Variants in CTIF observed in about 807,000 individuals in gnomAD.
The protein encoded by CTIF is CBP80/20-dependent translation initiation factor.
CTIF carries 21 observed loss-of-function variants against 66.0 expected under a neutral mutation model. The observed-to-expected ratio is 0.32, with a 90% CI of 0.23 to 0.46. The LOEUF is 0.46. Among genes scored for constraint, CTIF ranks in the 20% least tolerant of loss-of-function variants. The pLI, the probability that CTIF is intolerant of heterozygous loss-of-function variation, is 1.00. For synonymous variants in CTIF, 345 were observed against 326.4 expected (o/e 1.06, Z -0.62); for missense variants, 739 against 812.7 (o/e 0.91, Z 1.10).
At chr18:48,840,113 G>T (rs1327060463) in intron 10 of CTIF, among the ~76,000 whole-genome samples, 1 of 152,282 alleles carries the variant, frequency 6.6e-6, no homozygotes, top group Middle Eastern at 3.4e-3. Flanking sequence ...CCTGGATGAG[G>T]CTCTTACCAT....
chr18:48,769,775 G>T (rs1909926860), intron 9 of CTIF, among the ~76,000 whole-genome samples: 1 of 152,254 alleles, frequency 6.6e-6, no homozygotes. Context: ...AATATGACCT[G>T]CTTTTCTCCA....
chr18:48,693,062 C>T lies in CTIF; in HGVS notation c.508-18557C>T, dbSNP rs542078156. ...CAACTGATTAGATATTAGGCCCTTA[C>T]GTGCTTTTCTGATGATGAATCGGTG... On this transcript the variant is annotated intron_variant, in intron 6 of 11. Coordinates refer to ENST00000256413, the MANE Select transcript of CTIF (RefSeq NM_014772.3). Among the ~76,000 whole-genome samples, 5 of 152,306 alleles carry T rather than the reference C, an allele frequency of 3.3e-5. No homozygotes were observed. The South Asian group carries it at 6.2e-4, about 19-fold the overall frequency.
chr18:48,752,067 G>C (rs779607203), intron 7 of CTIF, among the ~76,000 whole-genome samples: 1 of 152,148 alleles, frequency 6.6e-6, no homozygotes, highest in Non-Finnish European at 1.5e-5. Context: ...ATCGTTTGGC[G>C]AGGTAAACAT....
chr18:48,648,493 A>G (rs7226857), intron 3 of CTIF, among the ~76,000 whole-genome samples: 633 of 151,652 alleles, frequency 4.2e-3, no homozygotes, highest in African/African-American at 0.014. Flanking sequence ...ACACACGCAC[A>G]CACACACACA....
intron 6 of CTIF, 148 bp from the exon 7 acceptor site, chr18:48,711,471 C>T (rs924518514): frequency 4.9e-6 from 3 of 610,770 alleles, no homozygotes; most frequent in Non-Finnish European, 5.7e-6. Flanking sequence ...TTTCCTTTTT[C>T]AGTCTGGATT....
intron 9 of CTIF, among the ~76,000 whole-genome samples, chr18:48,795,449 A>G (rs1168176828): frequency 6.6e-6 from 1 of 152,198 alleles, no homozygotes; most frequent in Non-Finnish European, 1.5e-5. Flanking sequence ...TCATCTAACC[A>G]GGAGTATTTT....
rs1012766871 is a variant in CTIF, at chr18:48,861,725, T to C, written c.*2166T>C. On this transcript the variant is annotated 3_prime_UTR_variant, in exon 12 of 12. Coordinates refer to ENST00000256413, the MANE Select transcript of CTIF (RefSeq NM_014772.3). ...CTTCACGCAGGACGCTCCGAAACAC[T>C]GTGTGGAGGGGGCTGTGTTGTGGGC... 1.3e-5 allele frequency: 2 copies of C among 152,364 alleles called. No homozygotes were observed. The highest frequency in any genetic ancestry group is 4.8e-5 in the African/African-American group (2 of 41,566). 9.4% of individuals were successfully genotyped at this position (152,364 alleles called of 1,614,324 possible).
rs571666796 is a variant in CTIF, at chr18:48,779,492, G to A, written c.1371+17803G>A. Among the ~76,000 whole-genome samples, 262 of 152,330 alleles carry A rather than the reference G, an allele frequency of 1.7e-3. 2 individuals are homozygous for A. The highest frequency in any genetic ancestry group is 5.6e-3 in the African/African-American group (231 of 41,584). On this transcript the variant is annotated intron_variant, in intron 9 of 11. Transcript: ENST00000256413. ...TTGGTCAGGAGTGCATCTGGAGGGGGTCAGTTATAAGGCTGAGGAGAGGTG... is the reference window on the plus strand; with the variant it reads ...TTGGTCAGGAGTGCATCTGGAGGGGATCAGTTATAAGGCTGAGGAGAGGTG...
chr18:48,722,538 T>G (rs1167565014), intron 7 of CTIF, among the ~76,000 whole-genome samples: 1 of 152,080 alleles, frequency 6.6e-6, no homozygotes, highest in African/African-American at 2.4e-5. Context: ...CCTCTTGAGA[T>G]CGTATGCTGC....
At chr18:48,732,559 C>T (rs1428192569) in intron 7 of CTIF, among the ~76,000 whole-genome samples, 1 of 152,200 alleles carries the variant, frequency 6.6e-6, no homozygotes, top group Non-Finnish European at 1.5e-5. Flanking sequence ...CTATGGGAGC[C>T]ACAGCTTGAA....
intron 10 of CTIF, among the ~76,000 whole-genome samples, chr18:48,844,715 G>C (rs1185376657): frequency 6.6e-6 from 1 of 152,242 alleles, no homozygotes; most frequent in Non-Finnish European, 1.5e-5. Flanking sequence ...TGGTGGAAAA[G>C]TGGCATGGGG....
At chr18:48,809,373 C>T (rs61007064) in intron 9 of CTIF, among the ~76,000 whole-genome samples, 25,863 of 152,052 alleles carry the variant, frequency 0.17, 2,380 homozygotes, top group Admixed American at 0.23. Context: ...TTAATCAAGC[C>T]TATTGAAGTA....
At chr18:48,594,458 G>T (rs2089953766) in intron 1 of CTIF, among the ~76,000 whole-genome samples, 1 of 152,048 alleles carries the variant, frequency 6.6e-6, no homozygotes, top group Non-Finnish European at 1.5e-5. Flanking sequence ...TGGCCTAATG[G>T]CTATGGAGTA....
intron 1 of CTIF, among the ~76,000 whole-genome samples, chr18:48,549,795 T>C (rs140354944): frequency 6.6e-6 from 1 of 152,332 alleles, no homozygotes; most frequent in African/African-American, 2.4e-5. Context: ...AAGTCCCTGG[T>C]GCTTTCGCCT....
At chr18:48,766,508 A>G (rs1909554194) in intron 9 of CTIF, among the ~76,000 whole-genome samples, 1 of 152,222 alleles carries the variant, frequency 6.6e-6, no homozygotes, top group Non-Finnish European at 1.5e-5. Flanking sequence ...GAGAATCATG[A>G]GAACACAGCA....
rs182717013 is a variant in CTIF, at chr18:48,702,711, A to G, written c.508-8908A>G. Among the ~76,000 whole-genome samples, 764 of 152,326 alleles carry G rather than the reference A, an allele frequency of 5.0e-3. 5 individuals carry two copies. The highest frequency in any genetic ancestry group is 0.017 in the African/African-American group (716 of 41,572). ...CTGCTGATTAAAAAATAATAAATTA[A>G]AAGTTAGAAAACCACAAATTTAAGC... On this transcript the variant is annotated intron_variant, in intron 6 of 11. Coordinates refer to ENST00000256413, the MANE Select transcript of CTIF (RefSeq NM_014772.3).
rs185629446 is a variant in CTIF at position 48,828,392 on chromosome 18, G to A, written c.1527+11016G>A. Among the ~76,000 whole-genome samples the A allele has an allele frequency of 9.2e-5, 14 of 152,260 alleles. 1 individual carries two copies. The East Asian group carries it at 2.7e-3, about 29-fold the overall frequency. ...GGGGAATTAACTAGCCTTATGAAGG[G>A]TATATAGCAGGGAGCAGTTTTTCCT... On this transcript the variant is annotated intron_variant, in intron 10 of 11. Coordinates refer to ENST00000256413, the MANE Select transcript of CTIF (RefSeq NM_014772.3).
At chr18:48,789,190 G>A (rs75441845) in intron 9 of CTIF, among the ~76,000 whole-genome samples, 3 of 152,104 alleles carry the variant, frequency 2.0e-5, no homozygotes, top group Non-Finnish European at 2.9e-5. Context: ...CATTTTCTTC[G>A]GGTTTAGGGA....
intron 10 of CTIF, among the ~76,000 whole-genome samples, chr18:48,846,302 T>C (rs2069070250): frequency 6.6e-6 from 1 of 152,254 alleles, no homozygotes; most frequent in Non-Finnish European, 1.5e-5. Context: ...CTATTCCTTC[T>C]TATGCTGCAA....
Sources: gnomAD v4.1 joint callset for allele counts (sites outside exome capture counted in the v4.1 genomes callset) on GRCh38, gnomAD v4.1.1 for gene constraint, MANE v1.5 for transcripts, NCBI Gene and HGNC (gene_info 2026-07-23, HGNC 2026-07-21) for gene names.